CNTNAP2: variants seen among roughly 807,000 people sequenced by gnomAD.
CNTNAP2 encodes contactin-associated protein-like 2.
A neutral mutation model predicts 155.2 loss-of-function variants in CNTNAP2; 98 were observed. That is an observed-to-expected ratio of 0.63 (90% confidence interval 0.54 to 0.75). CNTNAP2 has a LOEUF of 0.75. Ranked by LOEUF, CNTNAP2 falls within the 30% of genes least tolerant of loss-of-function variation. The probability of loss-of-function intolerance (pLI) is 0.00; values close to 1 mark genes in which losing one functional copy is unlikely to be tolerated. For synonymous variants in CNTNAP2, 651 were observed against 631.2 expected (o/e 1.03, Z -0.47); for missense variants, 1,727 against 1,688.1 (o/e 1.02, Z -0.40).
chr7:148,139,635 G>A (rs1398486299), intron 16 of CNTNAP2, among the ~76,000 whole-genome samples: 2 of 151,986 alleles, frequency 1.3e-5, no homozygotes, highest in African/African-American at 4.8e-5. Context: ...CCGCCTCCTG[G>A]GTCAAGTGAT....
intron 3 of CNTNAP2, among the ~76,000 whole-genome samples, chr7:146,977,913 C>T (rs1797943222): frequency 2.0e-5 from 3 of 151,968 alleles, no homozygotes; most frequent in South Asian, 4.2e-4. Flanking sequence ...TGTGGTACCA[C>T]ACACATTTGG....
intron 1 of CNTNAP2, among the ~76,000 whole-genome samples, chr7:146,686,111 A>T (rs748669695): frequency 1.6e-4 from 24 of 152,100 alleles, no homozygotes; most frequent in Non-Finnish European, 1.8e-4. Flanking sequence ...ATCCTGGGCA[A>T]CATACTGAGA....
At chr7:146,867,841 A>G (rs1439888935) in intron 3 of CNTNAP2, among the ~76,000 whole-genome samples, 1 of 149,688 alleles carries the variant, frequency 6.7e-6, no homozygotes, top group African/African-American at 2.5e-5. Flanking sequence ...GTGTCTGTTC[A>G]TGTCCTTTGC....
At position 148,254,775 on chromosome 7, in the gene CNTNAP2, CAA is replaced by C. The variant is rs55711921; in HGVS notation, c.3382-12239_3382-12238del. ...TGGGCAACAGAGCAAGACTCCATCT[CAA>C]AAAAAAAAAAAAAAAAAACTTAACC... is the stretch of plus-strand genomic sequence containing the variant. On this transcript the variant is annotated intron_variant, in intron 20 of 23. Transcript: ENST00000361727. 6.4e-3 allele frequency among the ~76,000 whole-genome samples: 770 copies of C among 120,210 alleles called. 6 individuals carry two copies. Among genetic ancestry groups the C allele is most frequent in the African/African-American group, 0.018 (556 of 30,904 alleles). The allele number at this position is 120,210 out of a possible 152,430, so 78.9% of individuals were successfully genotyped here.
intron 4 of CNTNAP2, among the ~76,000 whole-genome samples, chr7:147,047,648 T>A (rs2129257198): frequency 6.6e-6 from 1 of 152,328 alleles, no homozygotes; most frequent in Non-Finnish European, 1.5e-5. Context: ...GTCAATGAAG[T>A]TACTTAAGAT....
intron 1 of CNTNAP2, among the ~76,000 whole-genome samples, chr7:146,136,202 A>G (rs190552169): frequency 3.8e-3 from 580 of 152,300 alleles, no homozygotes; most frequent in Non-Finnish European, 6.6e-3. Context: ...TGCCCTTCTT[A>G]ATAGTAACTG....
chr7:147,449,300 G>C (rs1037733025), intron 10 of CNTNAP2, among the ~76,000 whole-genome samples: 3 of 152,072 alleles, frequency 2.0e-5, no homozygotes, highest in African/African-American at 4.8e-5. Flanking sequence ...CATGACTGAG[G>C]AGTCATTTCA....
At chr7:148,324,242 G>A (rs535726156) in intron 21 of CNTNAP2, among the ~76,000 whole-genome samples, 2 of 152,090 alleles carry the variant, frequency 1.3e-5, no homozygotes, top group South Asian at 2.1e-4. Flanking sequence ...ATCATACATA[G>A]GCAAGAACCC....
intron 1 of CNTNAP2, among the ~76,000 whole-genome samples, chr7:146,516,745 G>A (rs1034899656): frequency 8.6e-5 from 13 of 151,922 alleles, no homozygotes; most frequent in Admixed American, 7.9e-4. Flanking sequence ...GAAATACAAG[G>A]TTTATGAATC....
chr7:146,319,765 T>C (rs1800968683), intron 1 of CNTNAP2, among the ~76,000 whole-genome samples: 1 of 152,188 alleles, frequency 6.6e-6, no homozygotes, highest in Non-Finnish European at 1.5e-5. Context: ...AACAGATTTC[T>C]GTGTAGCTGA....
intron 14 of CNTNAP2, among the ~76,000 whole-genome samples, chr7:147,931,633 T>C (rs571243305): frequency 1.3e-5 from 2 of 152,012 alleles, no homozygotes; most frequent in Non-Finnish European, 2.9e-5. Context: ...CATAAATAAA[T>C]CAATTAATGT....
At chr7:146,724,545 T>C (rs903738711) in intron 1 of CNTNAP2, among the ~76,000 whole-genome samples, 6 of 149,740 alleles carry the variant, frequency 4.0e-5, no homozygotes, top group Admixed American at 6.7e-5. Flanking sequence ...TTTAGAAGCA[T>C]GCTGTTAAAT....
intron 1 of CNTNAP2, among the ~76,000 whole-genome samples, chr7:146,484,810 C>G (rs1299400681): frequency 6.6e-6 from 1 of 152,126 alleles, no homozygotes; most frequent in East Asian, 1.9e-4. Flanking sequence ...AAAGATTCTT[C>G]AGTCTGCAAG....
intron 13 of CNTNAP2, among the ~76,000 whole-genome samples, chr7:147,748,132 G>C (rs373960240): frequency 1.3e-5 from 2 of 152,218 alleles, no homozygotes; most frequent in African/African-American, 4.8e-5. Flanking sequence ...ATGTGGGAAG[G>C]ATGGAGATAT....
intron 15 of CNTNAP2, among the ~76,000 whole-genome samples, chr7:148,047,385 A>G (rs540471171): frequency 7.0e-4 from 106 of 152,204 alleles, no homozygotes; most frequent in African/African-American, 2.4e-3. Flanking sequence ...TTAACACTGA[A>G]CTCATGGCCA....
intron 20 of CNTNAP2, among the ~76,000 whole-genome samples, chr7:148,260,342 A>G (rs1223026930): frequency 6.6e-6 from 1 of 152,160 alleles, no homozygotes; most frequent in African/African-American, 2.4e-5. Context: ...CTGTGACTGG[A>G]CACTTTATAA....
chr7:146,462,462 A>G (rs1308529766), intron 1 of CNTNAP2, among the ~76,000 whole-genome samples: 1 of 152,150 alleles, frequency 6.6e-6, no homozygotes, highest in Admixed American at 6.6e-5. Context: ...GTTGATTATT[A>G]TCCAGACACT....
chr7:147,834,766 C>T (rs1322724043), intron 13 of CNTNAP2, among the ~76,000 whole-genome samples: 1 of 152,148 alleles, frequency 6.6e-6, no homozygotes, highest in Non-Finnish European at 1.5e-5. Context: ...ATACAGTGGA[C>T]GTCATTTATG....
chr7:146,882,464 G>A (rs946200609), intron 3 of CNTNAP2, among the ~76,000 whole-genome samples: 15 of 152,120 alleles, frequency 9.9e-5, no homozygotes, highest in African/African-American at 3.6e-4. Context: ...TCATCGTAGT[G>A]AGTGAGTTCT....
Sources: gnomAD v4.1 joint callset for allele counts (sites outside exome capture counted in the v4.1 genomes callset) on GRCh38, gnomAD v4.1.1 for gene constraint, MANE v1.5 for transcripts, NCBI Gene and HGNC (gene_info 2026-07-23, HGNC 2026-07-21) for gene names.